The following PIGN variants were observed in gnomAD, a reference collection of about 807,000 sequenced individuals.
The protein encoded by PIGN is phosphatidylinositol glycan anchor biosynthesis class N.
A neutral mutation model predicts 125.4 loss-of-function variants in PIGN; 117 were observed. That is an observed-to-expected ratio of 0.93 (90% confidence interval 0.80 to 1.09). The LOEUF is 1.09. Among genes scored for constraint, PIGN ranks in the 50% least tolerant of loss-of-function variants. The pLI is 0.00. For missense variants in PIGN, 1,075 were observed against 1,094.9 expected, an observed-to-expected ratio of 0.98 and a Z score of 0.26; for synonymous variants, 392 against 377.8, an observed-to-expected ratio of 1.04 and a Z score of -0.44.
chr18:62,090,224 T>C (rs1281782948), intron 24 of PIGN, among the ~76,000 whole-genome samples: 2 of 152,158 alleles, frequency 1.3e-5, no homozygotes, highest in Non-Finnish European at 2.9e-5. Flanking sequence ...ATTGACTTTT[T>C]TAAATCAATG....
intron 6 of PIGN, among the ~76,000 whole-genome samples, chr18:62,156,439 T>C (rs1020330907): frequency 5.9e-5 from 9 of 152,116 alleles, no homozygotes; most frequent in Non-Finnish European, 1.3e-4. Context: ...CAAGCACTCT[T>C]CCCACCTCAG....
intron 7 of PIGN, among the ~76,000 whole-genome samples, chr18:62,152,868 A>AT (rs67953114): frequency 2.2e-4 from 32 of 144,750 alleles, no homozygotes; most frequent in Non-Finnish European, 3.7e-4. Context: ...ATATATATAT[A>AT]TTTTTTTTTT....
chr18:62,154,767 T>C, intron 6 of PIGN, 116 bp from the exon 7 acceptor site: 4 of 644,506 alleles, frequency 6.2e-6, no homozygotes, highest in Non-Finnish European at 1.1e-5. Context: ...CAAAGCATTG[T>C]TCATTATGAT....
chr18:62,159,388 G>T (rs562139355), intron 4 of PIGN, among the ~76,000 whole-genome samples: 47 of 152,234 alleles, frequency 3.1e-4, no homozygotes, highest in African/African-American at 1.1e-3. Context: ...AGATCCAAAG[G>T]AGAAACAAGT....
At chr18:62,051,596 T>G (rs928108720) in intron 30 of PIGN, among the ~76,000 whole-genome samples, 37 of 152,310 alleles carry the variant, frequency 2.4e-4, no homozygotes, top group African/African-American at 7.2e-4. Flanking sequence ...CTCTCTTTTC[T>G]TCTTTATTAG....
intron 11 of PIGN, among the ~76,000 whole-genome samples, chr18:62,142,695 G>GCT (rs1215533109): frequency 6.6e-6 from 1 of 152,174 alleles, no homozygotes; most frequent in Non-Finnish European, 1.5e-5. Context: ...TCCCAATGAT[G>GCT]CTATACCTTC....
chr18:62,085,156 C>T (rs2033638147), intron 26 of PIGN, 53 bp downstream of exon 26: 2 of 975,226 alleles, frequency 2.1e-6, no homozygotes, highest in Middle Eastern at 2.8e-4. Context: ...ATAGAAGTCC[C>T]AGGTTGCATT....
At chr18:62,119,851 AAAAAG>A (rs1263822880) in intron 14 of PIGN, among the ~76,000 whole-genome samples, 2 of 151,972 alleles carry the variant, frequency 1.3e-5, no homozygotes, top group Non-Finnish European at 2.9e-5. Flanking sequence ...CTCAAAAAAA[AAAAAG>A]AAAGAAAGAA....
In PIGN at chr18:62,096,059, C is replaced by T. The variant is rs1568169939; in HGVS notation, c.2078-109G>A. ...CCTGTAATCTCAGCACTTTGGGAGGCCGAGGTGGGCAGATCACCTGAGGTC... is the reference window on the plus strand; with the variant it reads ...CCTGTAATCTCAGCACTTTGGGAGGTCGAGGTGGGCAGATCACCTGAGGTC... On this transcript the variant is annotated intron_variant, in intron 22 of 30. Coordinates refer to ENST00000640252, the MANE Select transcript of PIGN (RefSeq NM_176787.5). 6 of 569,686 alleles carry T rather than the reference C, an allele frequency of 1.1e-5. No homozygotes were observed. The South Asian group carries it at 1.6e-4, about 15-fold the overall frequency. The allele number at this position is 569,686 out of a possible 1,614,324, so 35.3% of individuals were successfully genotyped here.
At chr18:62,085,056 C>T (rs756185498) in intron 26 of PIGN, among the ~76,000 whole-genome samples, 153 bp downstream of exon 26, 1 of 151,380 alleles carries the variant, frequency 6.6e-6, no homozygotes, top group Non-Finnish European at 1.5e-5. Context: ...TGCAATGAGC[C>T]GAGATCACAC....
rs147109726 is a variant in PIGN at position 62,018,442 on chromosome 18, T to C, written c.2143-701A>G. 5.4e-3 allele frequency among the ~76,000 whole-genome samples: 827 copies of C among 152,328 alleles called. 29 individuals are homozygous for C. Among genetic ancestry groups the C allele is most frequent in the Non-Finnish European group, 1.7e-3 (117 of 68,034 alleles). On this transcript the variant is annotated intron_variant, in intron 23 of 24. Transcript: ENST00000639600. Reference sequence around the variant, plus strand: ...TGGAATTATTCTTTTCCTATTAAGATTTACATTCACTAGGGCAACACATGC... The same window carrying C: ...TGGAATTATTCTTTTCCTATTAAGACTTACATTCACTAGGGCAACACATGC...
At chr18:62,060,929 TA>T (rs2032084399) in intron 30 of PIGN, among the ~76,000 whole-genome samples, 1 of 152,194 alleles carries the variant, frequency 6.6e-6, no homozygotes, top group Admixed American at 6.5e-5. Flanking sequence ...AGATAAAGTG[TA>T]AAGATCAAAA....
chr18:62,138,376 G>T, intron 13 of PIGN, 78 bp from the exon 14 acceptor site: 1 of 1,474,686 alleles, frequency 6.8e-7, no homozygotes, highest in South Asian at 1.4e-5. Context: ...CCATTAAAAT[G>T]ATTCTTTAGG....
intron 14 of PIGN, 68 bp from the exon 15 acceptor site, chr18:62,114,707 T>G (rs892436789): frequency 5.8e-6 from 4 of 691,896 alleles, no homozygotes; most frequent in Non-Finnish European, 8.7e-6. Flanking sequence ...TTTTTTCCCC[T>G]TAATTAAAAA....
At chr18:62,134,926 T>A (rs1226661213) in intron 14 of PIGN, among the ~76,000 whole-genome samples, 1 of 152,194 alleles carries the variant, frequency 6.6e-6, no homozygotes, top group African/African-American at 2.4e-5. Flanking sequence ...AAGAAATGTA[T>A]GCTTTCTATG....
At chr18:62,060,258 G>A (rs1361186402) in intron 30 of PIGN, among the ~76,000 whole-genome samples, 3 of 152,184 alleles carry the variant, frequency 2.0e-5, no homozygotes, top group African/African-American at 4.8e-5. Flanking sequence ...CCCCTCCCAT[G>A]ACTATTGTGC....
chr18:62,149,092 T>A (rs933628161), intron 7 of PIGN, among the ~76,000 whole-genome samples: 3 of 152,208 alleles, frequency 2.0e-5, no homozygotes, highest in East Asian at 1.9e-4. Context: ...CCAAGATACA[T>A]CTTTGTTGTT....
intron 30 of PIGN, among the ~76,000 whole-genome samples, chr18:62,071,866 A>T (rs1263408210): frequency 6.2e-4 from 2 of 3,248 alleles, no homozygotes; most frequent in African/African-American, 2.0e-3. Flanking sequence ...CCTTTTCCAT[A>T]TATATATATA....
chr18:62,056,647 C>T (rs2031750019), intron 30 of PIGN: 1 of 152,370 alleles, frequency 6.6e-6, no homozygotes, highest in African/African-American at 2.4e-5. Flanking sequence ...CAAACCCCTC[C>T]ACTTCTAGTT....
Sources: gnomAD v4.1 joint callset for allele counts (sites outside exome capture counted in the v4.1 genomes callset) on GRCh38, gnomAD v4.1.1 for gene constraint, MANE v1.5 for transcripts, NCBI Gene and HGNC (gene_info 2026-07-23, HGNC 2026-07-21) for gene names.